The following L3MBTL4 variants were observed in gnomAD, a reference collection of about 807,000 sequenced individuals.
L3MBTL4 encodes lethal(3)malignant brain tumor-like protein 4.
In L3MBTL4, 70 loss-of-function variants were observed where a neutral mutation model predicts 84.5. That is an observed-to-expected ratio of 0.83 (90% CI 0.68 to 1.01). The LOEUF is 1.01. L3MBTL4 is among the 50% of genes least tolerant of loss of function. The pLI, the probability that L3MBTL4 is intolerant of heterozygous loss-of-function variation, is 0.00. For missense variants in L3MBTL4, 715 were observed against 754.8 expected, an observed-to-expected ratio of 0.95 and a Z score of 0.62; for synonymous variants, 274 against 259.8, an observed-to-expected ratio of 1.05 and a Z score of -0.52.
chr18:6,391,164 G>A (rs1199619822), intron 1 of L3MBTL4, among the ~76,000 whole-genome samples: 1 of 152,154 alleles, frequency 6.6e-6, no homozygotes, highest in African/African-American at 2.4e-5. Context: ...TCCCAGGGAT[G>A]CAAGAATATT....
In L3MBTL4 at chr18:6,048,872, C is replaced by A. The variant is rs534295963; in HGVS notation, c.1444+32009G>T. ...TGATCTTCAACAAAGTCAACAGAAA[C>A]AAGCAATGGGGAAAAGACTTTATTC... On this transcript the variant is annotated intron_variant, in intron 16 of 18. Coordinates refer to ENST00000317931, the MANE Select transcript of L3MBTL4 (RefSeq NM_001330559.2). Among the ~76,000 whole-genome samples, 12 of 151,532 alleles carry A rather than the reference C, an allele frequency of 7.9e-5. No individual in the cohort carries two copies. In the East Asian group the frequency reaches 2.1e-3, roughly 27 times the overall value.
chr18:6,002,575 G>C (rs1011969088), intron 16 of L3MBTL4, among the ~76,000 whole-genome samples: 2 of 152,020 alleles, frequency 1.3e-5, no homozygotes, highest in Non-Finnish European at 2.9e-5. Context: ...TATAGGAGCG[G>C]AATTTTTGTA....
At position 6,402,140 on chromosome 18, in the gene L3MBTL4, T is replaced by A. The variant is rs140088881; in HGVS notation, c.-91+12661A>T. On this transcript the variant is annotated intron_variant, in intron 1 of 18. Transcript: ENST00000317931. ...AACAGGACTTTCCTTAAAACAAAAT[T>A]CCAGAGTGTATACATTCAGATTATT... is the stretch of plus-strand genomic sequence containing the variant. 5.1e-3 allele frequency among the ~76,000 whole-genome samples: 782 copies of A among 152,308 alleles called. 6 individuals are homozygous for A. The highest frequency in any genetic ancestry group is 0.018 in the African/African-American group (741 of 41,572).
intron 4 of L3MBTL4, among the ~76,000 whole-genome samples, chr18:6,294,245 AAT>A (rs1475810006): frequency 1.3e-5 from 2 of 152,144 alleles, no homozygotes; most frequent in African/African-American, 4.8e-5. Context: ...ACAAAATATC[AAT>A]TAAAAAAGGA....
At chr18:6,114,020 T>C (rs1450961855) in intron 14 of L3MBTL4, among the ~76,000 whole-genome samples, 1 of 152,196 alleles carries the variant, frequency 6.6e-6, no homozygotes, top group Non-Finnish European at 1.5e-5. Context: ...GAGCACCTAC[T>C]TGATGCCAAG....
intron 1 of L3MBTL4, among the ~76,000 whole-genome samples, chr18:6,313,194 A>G (rs758174978): frequency 2.0e-5 from 3 of 152,170 alleles, no homozygotes; most frequent in Non-Finnish European, 4.4e-5. Flanking sequence ...CGCTGTCTAG[A>G]TATTACCTGG....
In L3MBTL4 at chr18:6,334,319, C is replaced by T. The variant is rs529997319; in HGVS notation, c.-90-22263G>A. Among the ~76,000 whole-genome samples the T allele has an allele frequency of 5.3e-4, 80 of 152,254 alleles. 1 individual carries two copies. In the South Asian group the frequency reaches 0.013, roughly 26 times the overall value. ...GAAAAACCCAGAGACAATATTAAAA[C>T]ACCCTCTTAAGAAATGATTCAACAT... On this transcript the variant is annotated intron_variant, in intron 1 of 18. Transcript: ENST00000317931.
chr18:6,303,896 C>A (rs1219049202), intron 3 of L3MBTL4, among the ~76,000 whole-genome samples: 2 of 151,744 alleles, frequency 1.3e-5, no homozygotes, highest in South Asian at 2.1e-4. Context: ...CACCTGTAAT[C>A]CCAGCTACTC....
intron 16 of L3MBTL4, among the ~76,000 whole-genome samples, chr18:6,046,958 C>T (rs2056649140): frequency 6.6e-6 from 1 of 151,940 alleles, no homozygotes; most frequent in African/African-American, 2.4e-5. Flanking sequence ...AATCAACAAA[C>T]CAAAAGTTAG....
chr18:6,014,121 C>A (rs796562163), intron 16 of L3MBTL4, among the ~76,000 whole-genome samples: 3 of 152,302 alleles, frequency 2.0e-5, no homozygotes, highest in African/African-American at 7.2e-5. Flanking sequence ...TCAATTCTTT[C>A]TGCTTCTTCT....
chr18:6,112,703 A>G, intron 14 of L3MBTL4, among the ~76,000 whole-genome samples: 1 of 152,218 alleles, frequency 6.6e-6, no homozygotes, highest in East Asian at 1.9e-4. Context: ...TATAAGTTAC[A>G]TTTAAAATAT....
intron 12 of L3MBTL4, among the ~76,000 whole-genome samples, chr18:6,178,695 G>C (rs376606753): frequency 3.8e-4 from 58 of 152,242 alleles, no homozygotes; most frequent in African/African-American, 1.4e-3. Flanking sequence ...TGTCCTAATG[G>C]TATTAACGTT....
chr18:6,003,594 A>G (rs1346399069), intron 16 of L3MBTL4, among the ~76,000 whole-genome samples: 2 of 152,074 alleles, frequency 1.3e-5, no homozygotes, highest in African/African-American at 4.8e-5. Flanking sequence ...CCAGCAGGAT[A>G]TATATTATTC....
chr18:6,321,271 T>C (rs77389208), intron 1 of L3MBTL4, among the ~76,000 whole-genome samples: 1 of 152,080 alleles, frequency 6.6e-6, no homozygotes, highest in East Asian at 1.9e-4. Flanking sequence ...GCAAAAGGCA[T>C]AATCATCAGA....
intron 1 of L3MBTL4, among the ~76,000 whole-genome samples, chr18:6,370,957 A>G (rs548902561): frequency 2.0e-5 from 3 of 152,228 alleles, no homozygotes; most frequent in Non-Finnish European, 4.4e-5. Flanking sequence ...TGCACAGAGC[A>G]TTGTGGGGAA....
chr18:6,066,762 T>C (rs946724289), intron 16 of L3MBTL4, among the ~76,000 whole-genome samples: 4 of 152,132 alleles, frequency 2.6e-5, no homozygotes, highest in African/African-American at 4.8e-5. Flanking sequence ...ATGTGTTAGG[T>C]GGGTCTCTTG....
intron 13 of L3MBTL4, among the ~76,000 whole-genome samples, chr18:6,160,731 C>CA (rs560903489): frequency 0.097 from 4,678 of 48,074 alleles, 269 homozygotes; most frequent in African/African-American, 0.21. Flanking sequence ...AGATCCGTCT[C>CA]AAAAAAAAAA....
intron 16 of L3MBTL4, among the ~76,000 whole-genome samples, chr18:6,019,302 C>T (rs1193333268): frequency 6.6e-6 from 1 of 152,124 alleles, no homozygotes; most frequent in Non-Finnish European, 1.5e-5. Context: ...GCAAATAATT[C>T]CCTAAGTTGT....
At chr18:6,348,886 CA>C (rs2053048040) in intron 1 of L3MBTL4, among the ~76,000 whole-genome samples, 1 of 152,112 alleles carries the variant, frequency 6.6e-6, no homozygotes, top group Non-Finnish European at 1.5e-5. Flanking sequence ...GAGAAATGGG[CA>C]AAAGCTTTGA....
Sources: gnomAD v4.1 joint callset for allele counts (sites outside exome capture counted in the v4.1 genomes callset) on GRCh38, gnomAD v4.1.1 for gene constraint, MANE v1.5 for transcripts, NCBI Gene and HGNC (gene_info 2026-07-23, HGNC 2026-07-21) for gene names.